The following PARL variants were observed in gnomAD, a reference collection of about 807,000 sequenced individuals.
PARL encodes presenilin-associated rhomboid-like protein, mitochondrial.
In PARL, 44 loss-of-function variants were observed where a neutral mutation model predicts 51.6. The ratio of observed to expected loss-of-function variants is 0.85; its 90% confidence interval spans 0.67 to 1.10. The LOEUF is 1.10. PARL is among the 50% of genes least tolerant of loss of function. The pLI, the probability that PARL is intolerant of heterozygous loss-of-function variation, is 0.00. For missense variants in PARL, 441 were observed against 469.5 expected, an observed-to-expected ratio of 0.94 and a Z score of 0.56; for synonymous variants, 172 against 164.0, an observed-to-expected ratio of 1.05 and a Z score of -0.37.
intron 1 of PARL, among the ~76,000 whole-genome samples, chr3:183,878,620 G>A (rs1456534355): frequency 6.6e-6 from 1 of 152,164 alleles, no homozygotes; most frequent in Non-Finnish European, 1.5e-5. Flanking sequence ...ACCTCCCCAG[G>A]TGATTCTCAT....
intron 4 of PARL, among the ~76,000 whole-genome samples, chr3:183,859,508 TG>T (rs1173164916): frequency 6.6e-6 from 1 of 152,046 alleles, no homozygotes; most frequent in Non-Finnish European, 1.5e-5. Context: ...CAGCTAATTT[TG>T]TATTTTTAGT....
chr3:183,857,757 C>G (rs1361761008), intron 4 of PARL, among the ~76,000 whole-genome samples: 1 of 152,170 alleles, frequency 6.6e-6, no homozygotes, highest in African/African-American at 2.4e-5. Flanking sequence ...TCAAAAAGGG[C>G]TCCCTTTCCT....
At position 183,867,186 on chromosome 3, in the gene PARL, C is replaced by G. The variant is rs1195702802; in HGVS notation, c.322-421G>C. On this transcript the variant is annotated intron_variant, in intron 2 of 9. Transcript: ENST00000317096. ...ACCTTGGCCTCCAGTGCTGGGATTA[C>G]AGGCATGAGCCACTGTGCCTGGCCA... Among the ~76,000 whole-genome samples the G allele has an allele frequency of 2.6e-5, 4 of 151,962 alleles. No homozygotes were observed. The East Asian group carries it at 5.8e-4, about 22-fold the overall frequency.
At chr3:183,839,775 C>G (rs2108603440) in intron 7 of PARL, among the ~76,000 whole-genome samples, 1 of 151,918 alleles carries the variant, frequency 6.6e-6, no homozygotes, top group Non-Finnish European at 1.5e-5. Flanking sequence ...CTATGTCACC[C>G]AGGCTGGGGT....
chr3:183,859,851 C>A (rs1290203558), intron 4 of PARL, among the ~76,000 whole-genome samples: 1 of 152,096 alleles, frequency 6.6e-6, no homozygotes, highest in Non-Finnish European at 1.5e-5. Context: ...ATCTTTCCAT[C>A]CAAATTCAAG....
chr3:183,877,804 CTT>C (rs35496459), intron 1 of PARL, among the ~76,000 whole-genome samples: 110 of 146,776 alleles, frequency 7.5e-4, no homozygotes, highest in Admixed American at 8.8e-4. Context: ...TAATTTATTA[CTT>C]TTTTTTTTTT....
chr3:183,869,500 G>A (rs757204466), intron 1 of PARL, among the ~76,000 whole-genome samples: 6 of 151,944 alleles, frequency 3.9e-5, no homozygotes, highest in African/African-American at 7.3e-5. Flanking sequence ...GAGCCACTGC[G>A]CCTGGCTATA....
At chr3:183,867,774 G>T in intron 2 of PARL, 91 bp downstream of exon 2, 1 of 886,052 alleles carries the variant, frequency 1.1e-6, no homozygotes. Flanking sequence ...CCCTCTACCT[G>T]TCCTTACTTT....
At chr3:183,846,743 T>C (rs1729998050) in intron 4 of PARL, 2 of 338,268 alleles carry the variant, frequency 5.9e-6, no homozygotes, top group Non-Finnish European at 8.4e-6. Context: ...TGTATACTTA[T>C]TAACAAATTA....
At chr3:183,855,128 C>T (rs867131882) in intron 4 of PARL, among the ~76,000 whole-genome samples, 9 of 151,798 alleles carry the variant, frequency 5.9e-5, no homozygotes, top group Non-Finnish European at 1.2e-4. Context: ...TTGATGGCTG[C>T]CTAAGGCTGA....
chr3:183,855,478 T>C (rs1398587907), intron 4 of PARL, among the ~76,000 whole-genome samples: 1 of 152,152 alleles, frequency 6.6e-6, no homozygotes, highest in East Asian at 1.9e-4. Flanking sequence ...CCAACCTTTT[T>C]GGCACCAAGG....
intron 7 of PARL, among the ~76,000 whole-genome samples, chr3:183,840,340 A>G (rs1729144854): frequency 6.6e-6 from 1 of 152,214 alleles, no homozygotes; most frequent in South Asian, 2.1e-4. Context: ...TATATGACCA[A>G]TGGTTAAAAG....
chr3:183,862,643 T>C, intron 4 of PARL, 110 bp downstream of exon 4: 1 of 837,192 alleles, frequency 1.2e-6, no homozygotes, highest in Non-Finnish European at 2.1e-6. Flanking sequence ...AGAGACTGTC[T>C]TCTAAACCAC....
intron 4 of PARL, among the ~76,000 whole-genome samples, chr3:183,850,198 A>G (rs1359576147): frequency 6.6e-6 from 1 of 152,172 alleles, no homozygotes; most frequent in African/African-American, 2.4e-5. Context: ...TCTGGAAGCT[A>G]GAAGTCTGAA....
At chr3:183,865,716 A>C (rs1732393945) in intron 3 of PARL, among the ~76,000 whole-genome samples, 1 of 152,060 alleles carries the variant, frequency 6.6e-6, no homozygotes, top group African/African-American at 2.4e-5. Flanking sequence ...CTGGTACCAA[A>C]AAGGTTGGTG....
chr3:183,842,367 A>G lies in PARL; in HGVS notation c.688T>C (p.Trp230Arg), dbSNP rs770169786. Residue 230 changes from tryptophan to arginine, a missense_variant, in exon 6 of 10, where the codon TGG (tryptophan) becomes CGG (arginine). Physicochemically the swap from Trp to Arg is moderately radical, Grantham distance 101. Coordinates refer to ENST00000317096, the MANE Select transcript of PARL (RefSeq NM_018622.7). The stretch of plus-strand genomic sequence containing the variant: ...TTCACTATGCTGGAAGAGAAGCTCC[A>G]CAAAACATACATATTTGCTGCCATG... ...FHMAANMYVL[W>R]SFSSSIVNIL... 4 of 1,613,968 alleles carry G rather than the reference A, an allele frequency of 2.5e-6. No homozygotes were observed. Among genetic ancestry groups the G allele is most frequent in the Non-Finnish European group, 2.5e-6 (3 of 1,179,920 alleles).
chr3:183,882,414 TATAGAG>T lies in PARL; in HGVS notation c.125+2302_125+2307del, dbSNP rs1276475942. ...ATATGCACATATACACACACATATA[TATAGAG>T]AGAGAGAGAGAGAGAAAGAGAGAGA... On this transcript the variant is annotated intron_variant, in intron 1 of 9. Transcript: ENST00000317096. 3.8e-4 allele frequency among the ~76,000 whole-genome samples: 52 copies of T among 137,242 alleles called. 1 individual carries two copies. Among genetic ancestry groups the T allele is most frequent in the Admixed American group, 1.3e-3 (18 of 13,356 alleles). 90.0% of individuals were successfully genotyped at this position (137,242 alleles called of 152,430 possible).
intron 8 of PARL, 27 bp from the exon 9 acceptor site, chr3:183,833,616 A>T: frequency 6.4e-7 from 1 of 1,553,086 alleles, no homozygotes; most frequent in Admixed American, 1.7e-5. Flanking sequence ...AACAAGCGGC[A>T]CAACTGTGAT....
At chr3:183,857,430 C>T (rs1731298481) in intron 4 of PARL, among the ~76,000 whole-genome samples, 1 of 152,030 alleles carries the variant, frequency 6.6e-6, no homozygotes, top group Admixed American at 6.6e-5. Context: ...ATGTAACAAA[C>T]CTACTTGTAT....
Sources: allele counts gnomAD v4.1 joint callset (sites outside exome capture counted in the v4.1 genomes callset), GRCh38; gene constraint gnomAD v4.1.1; transcripts MANE v1.5; gene names NCBI Gene and HGNC (gene_info 2026-07-23, HGNC 2026-07-21).